ASZ1: variants seen among roughly 807,000 people sequenced by gnomAD.
The protein encoded by ASZ1 is ankyrin repeat, SAM and basic leucine zipper domain-containing protein 1.
ASZ1 carries 67 observed loss-of-function variants against 61.8 expected under a neutral mutation model. The ratio of observed to expected loss-of-function variants is 1.08; its 90% CI spans 0.89 to 1.33. ASZ1 has a LOEUF of 1.33. Among genes scored for constraint, ASZ1 ranks in the 40% most tolerant of loss-of-function variants. The pLI is 0.00. For missense variants in ASZ1, 577 were observed against 554.5 expected (o/e 1.04, Z -0.41); for synonymous variants, 193 against 192.7 (o/e 1.00, Z -0.01).
At chr7:117,367,634 A>G (rs1440993301) in intron 11 of ASZ1, 169 bp from the exon 12 acceptor site, 4 of 1,126,416 alleles carry the variant, frequency 3.6e-6, no homozygotes. Context: ...ATAAAAATAT[A>G]ATCAAATGAG....
chr7:117,372,636 C>T (rs1488207538), intron 10 of ASZ1, among the ~76,000 whole-genome samples: 1 of 152,176 alleles, frequency 6.6e-6, no homozygotes, highest in Admixed American at 6.6e-5. Context: ...ATAAAATTTA[C>T]ACTTTAAATA....
chr7:117,387,314 C>CAAG (rs1796378930), intron 4 of ASZ1, among the ~76,000 whole-genome samples: 1 of 142,602 alleles, frequency 7.0e-6, no homozygotes, highest in Non-Finnish European at 1.5e-5. Flanking sequence ...GTCTCAACAA[C>CAAG]AACAACAACA....
intron 4 of ASZ1, among the ~76,000 whole-genome samples, chr7:117,416,327 A>G (rs1196720960): frequency 2.0e-5 from 3 of 152,192 alleles, no homozygotes; most frequent in Non-Finnish European, 4.4e-5. Flanking sequence ...CTGCCTTAGC[A>G]TAGAGCCTAA....
At chr7:117,364,672 G>T (rs539199323) in intron 12 of ASZ1, among the ~76,000 whole-genome samples, 1 of 152,062 alleles carries the variant, frequency 6.6e-6, no homozygotes, top group Non-Finnish European at 1.5e-5. Context: ...AAATTCTACA[G>T]TGTAAATATT....
At chr7:117,370,223 A>G (rs1254355283) in intron 10 of ASZ1, among the ~76,000 whole-genome samples, 1 of 152,160 alleles carries the variant, frequency 6.6e-6, no homozygotes, top group Non-Finnish European at 1.5e-5. Context: ...TCTTTCCTTC[A>G]ATTGCGAAGG....
At chr7:117,396,172 C>T (rs919189313) in intron 4 of ASZ1, among the ~76,000 whole-genome samples, 2 of 152,162 alleles carry the variant, frequency 1.3e-5, no homozygotes, top group Admixed American at 1.3e-4. Flanking sequence ...GTTAGTATCA[C>T]AATCTGTGAT....
chr7:117,399,855 T>C (rs559402567), intron 4 of ASZ1, among the ~76,000 whole-genome samples: 3 of 152,196 alleles, frequency 2.0e-5, no homozygotes, highest in African/African-American at 4.8e-5. Flanking sequence ...CAATATGTAA[T>C]TGTATTTCAA....
At chr7:117,385,164 T>A (rs1419797029) in intron 5 of ASZ1, among the ~76,000 whole-genome samples, 3 of 152,138 alleles carry the variant, frequency 2.0e-5, no homozygotes, top group South Asian at 4.1e-4. Context: ...TTCTTATGTA[T>A]ATTTTAGAGC....
chr7:117,366,863 T>G (rs1416677719), intron 12 of ASZ1, among the ~76,000 whole-genome samples: 1 of 152,176 alleles, frequency 6.6e-6, no homozygotes, highest in African/African-American at 2.4e-5. Context: ...TATAATTTCA[T>G]ATCTTTAGCT....
intron 10 of ASZ1, among the ~76,000 whole-genome samples, chr7:117,379,168 T>TATATACACACACACAC (rs1161457624): frequency 4.3e-4 from 30 of 69,696 alleles, no homozygotes; most frequent in African/African-American, 1.6e-3. Context: ...TATATATATA[T>TATATACACACACACAC]ACACACACAC....
intron 4 of ASZ1, among the ~76,000 whole-genome samples, chr7:117,407,892 T>C (rs958337654): frequency 6.6e-6 from 1 of 152,188 alleles, no homozygotes; most frequent in Admixed American, 6.5e-5. Context: ...GAAGATAATG[T>C]AGATGACGAA....
intron 7 of ASZ1, 124 bp from the exon 8 acceptor site, chr7:117,382,268 G>A: frequency 3.1e-6 from 2 of 649,594 alleles, no homozygotes; most frequent in South Asian, 1.9e-5. Flanking sequence ...TTTGCAATCT[G>A]CACACCAGAC....
chr7:117,394,147 C>T (rs1054195063), intron 4 of ASZ1, among the ~76,000 whole-genome samples: 20 of 152,128 alleles, frequency 1.3e-4, no homozygotes, highest in Admixed American at 8.5e-4. Flanking sequence ...CTCTGTCACT[C>T]GGGCTAGAGT....
intron 4 of ASZ1, among the ~76,000 whole-genome samples, chr7:117,386,578 A>C (rs1414967881): frequency 6.6e-6 from 1 of 152,068 alleles, no homozygotes; most frequent in African/African-American, 2.4e-5. Context: ...GAGGTCTGAG[A>C]CTCTGAGCCC....
At chr7:117,424,277 TAG>T (rs1797155460) in intron 2 of ASZ1, among the ~76,000 whole-genome samples, 1 of 152,198 alleles carries the variant, frequency 6.6e-6, no homozygotes, top group African/African-American at 2.4e-5. Context: ...CTTTTATTTT[TAG>T]AGTTTCCAAT....
intron 6 of ASZ1, 146 bp from the exon 7 acceptor site, chr7:117,383,256 G>A: frequency 1.0e-6 from 1 of 965,728 alleles, no homozygotes; most frequent in Non-Finnish European, 1.4e-6. Context: ...TTACTACCCT[G>A]ATAACAACTT....
intron 10 of ASZ1, among the ~76,000 whole-genome samples, chr7:117,373,349 C>T (rs1296395564): frequency 1.3e-5 from 2 of 152,052 alleles, no homozygotes; most frequent in Admixed American, 6.6e-5. Flanking sequence ...GATGGGACTA[C>T]AGGCACACCC....
intron 2 of ASZ1, among the ~76,000 whole-genome samples, chr7:117,423,351 TC>T (rs1182631489): frequency 6.6e-6 from 1 of 152,044 alleles, no homozygotes; most frequent in African/African-American, 2.4e-5. Context: ...TACATAATAA[TC>T]ACTGGGAGAA....
intron 10 of ASZ1, among the ~76,000 whole-genome samples, chr7:117,369,729 CG>C (rs1282990762): frequency 1.3e-5 from 2 of 152,042 alleles, no homozygotes; most frequent in Non-Finnish European, 2.9e-5. Context: ...TTGGTTTCCA[CG>C]GAAGGCGGTG....
Sources: allele counts gnomAD v4.1 joint callset (sites outside exome capture counted in the v4.1 genomes callset), GRCh38; gene constraint gnomAD v4.1.1; transcripts MANE v1.5; gene names NCBI Gene and HGNC (gene_info 2026-07-23, HGNC 2026-07-21).